Variants in DCHS2 observed in about 807,000 individuals in gnomAD.
The protein encoded by DCHS2 is protocadherin-23.
DCHS2 carries 142 observed loss-of-function variants against 182.4 expected under a neutral mutation model. The ratio of observed to expected loss-of-function variants is 0.78; its 90% CI spans 0.68 to 0.89. The LOEUF (loss-of-function observed/expected upper bound fraction) is 0.89. DCHS2 is among the 40% of genes least tolerant of loss of function. The pLI is 0.00. For missense variants in DCHS2, 4,319 were observed against 4,198.6 expected (o/e 1.03, Z -0.79); for synonymous variants, 1,740 against 1,663.3 (o/e 1.05, Z -1.12).
chr4:154,305,799 A>T (rs1735422950), intron 10 of DCHS2, among the ~76,000 whole-genome samples: 1 of 152,130 alleles, frequency 6.6e-6, no homozygotes, highest in Non-Finnish European at 1.5e-5. Flanking sequence ...AATTCTTCCC[A>T]TATTTTTGTG....
chr4:154,269,048 C>T (rs559274172), intron 14 of DCHS2: 2 of 152,274 alleles, frequency 1.3e-5, no homozygotes, highest in South Asian at 2.1e-4. Context: ...CACAAACGAT[C>T]CTTTCGTGAA....
chr4:154,332,779 A>G lies in DCHS2; in HGVS notation c.3429T>C (p.Tyr1143=), dbSNP rs1736598338. 2 of 1,614,110 alleles carry G rather than the reference A, an allele frequency of 1.2e-6. No individual in the cohort carries two copies. The highest frequency in any genetic ancestry group is 1.7e-6 in the Non-Finnish European group (2 of 1,180,056). Residue 1143 remains tyrosine (Y), a synonymous_variant, in exon 5 of 20, where the codon TAT becomes TAC. Transcript: ENST00000357232. ...FGIRPYTGWI[Y]LRRQFDYEST... is the part of the protein sequence containing the mutation. ...ATTCATAGTCAAACTGTCGCCGCAAATAAATCCAGCCCGTGTAAGGGCGGA... is the reference window on the plus strand; with the variant it reads ...ATTCATAGTCAAACTGTCGCCGCAAGTAAATCCAGCCCGTGTAAGGGCGGA...
At chr4:154,391,407 T>C (rs1731698011) in intron 1 of DCHS2, 2 of 1,413,100 alleles carry the variant, frequency 1.4e-6, no homozygotes, top group South Asian at 3.1e-5. Flanking sequence ...ACTTTCCACT[T>C]GCAGCATAAA....
intron 1 of DCHS2, 42 bp from the exon 2 acceptor site, chr4:154,377,486 G>C (rs919567848): frequency 6.6e-7 from 1 of 1,516,834 alleles, no homozygotes; most frequent in African/African-American, 1.4e-5. Context: ...AGAAATGCTA[G>C]CATTACTTTT....
chr4:154,295,464 C>T (rs1009818846), intron 13 of DCHS2, among the ~76,000 whole-genome samples: 2 of 152,068 alleles, frequency 1.3e-5, no homozygotes, highest in African/African-American at 2.4e-5. Flanking sequence ...ATTCCAAAGC[C>T]GAGAATAACA....
chr4:154,245,688 A>G (rs1025527786), intron 16 of DCHS2, among the ~76,000 whole-genome samples: 4 of 152,228 alleles, frequency 2.6e-5, no homozygotes, highest in Non-Finnish European at 5.9e-5. Flanking sequence ...AATGATATCA[A>G]AAACCTTTTA....
chr4:154,431,340 A>G (rs1014403412), intron 1 of DCHS2, among the ~76,000 whole-genome samples: 3 of 152,318 alleles, frequency 2.0e-5, no homozygotes, highest in Admixed American at 1.3e-4. Flanking sequence ...CATAAAGAAA[A>G]CATAAAACTT....
At chr4:154,247,401 C>T (rs555050703) in intron 16 of DCHS2, among the ~76,000 whole-genome samples, 2 of 150,946 alleles carry the variant, frequency 1.3e-5, no homozygotes, top group African/African-American at 4.9e-5. Context: ...TCACTTGAAC[C>T]AGGAGGCAGA....
rs544467852 is a variant in DCHS2, at chr4:154,318,627, A to T, written c.5020+1752T>A. On this transcript the variant is annotated intron_variant, in intron 9 of 19. Coordinates refer to ENST00000357232, the MANE Select transcript of DCHS2 (RefSeq NM_001358235.2). ...AATAGCACAAAAAGGAATAAAAGAA[A>T]ACAGGGATAAAGCTAGCTGAGGAGG... Among the ~76,000 whole-genome samples, 55 of 152,244 alleles carry T rather than the reference A, an allele frequency of 3.6e-4. 1 individual carries two copies. The highest frequency in any genetic ancestry group is 6.8e-3 in the Middle Eastern group (2 of 294).
In DCHS2 at chr4:154,245,557, G is replaced by GA. The variant is rs542054798; in HGVS notation, c.6942-2786dup. 9.4e-3 allele frequency among the ~76,000 whole-genome samples: 1,389 copies of GA among 147,456 alleles called. 15 individuals are homozygous for GA. Among genetic ancestry groups the GA allele is most frequent in the African/African-American group, 0.018 (720 of 40,282 alleles). ...AATTTTCTAATCCTTCTGAAATTCT[G>GA]AAAAAAAAAATATCAGCCACCAGTA... On this transcript the variant is annotated intron_variant, in intron 16 of 19. Coordinates refer to ENST00000357232, the MANE Select transcript of DCHS2 (RefSeq NM_001358235.2).
intron 1 of DCHS2, among the ~76,000 whole-genome samples, chr4:154,392,291 T>C (rs531581701): frequency 1.4e-4 from 22 of 152,334 alleles, no homozygotes; most frequent in African/African-American, 5.3e-4. Flanking sequence ...CTTTTAGCTG[T>C]ACCTTCCCAT....
At position 154,242,790 on chromosome 4, in the gene DCHS2, T is replaced by C. The variant is rs1731890899; in HGVS notation, c.6942-18A>G. ...CAATCAAGCTGGTTTGGAAAAAGAA[T>C]CAAAGAATGTGATTCATCATCCAGG... is the stretch of plus-strand genomic sequence containing the variant. On this transcript the variant is annotated intron_variant, in intron 16 of 19. Coordinates refer to ENST00000357232, the MANE Select transcript of DCHS2 (RefSeq NM_001358235.2). The C allele has an allele frequency of 1.3e-6, 2 of 1,588,482 alleles. No homozygotes were observed. The highest frequency in any genetic ancestry group is 4.5e-5 in the East Asian group (2 of 44,074).
intron 3 of DCHS2, among the ~76,000 whole-genome samples, chr4:154,356,814 A>C (rs1197561548): frequency 6.6e-6 from 1 of 152,180 alleles, no homozygotes. Flanking sequence ...TCACCAAATG[A>C]TGCATGTCTC....
chr4:154,297,746 A>G (rs1482716584), intron 13 of DCHS2, 105 bp downstream of exon 13: 10 of 1,497,106 alleles, frequency 6.7e-6, no homozygotes, highest in Admixed American at 4.6e-5. Context: ...TTGAACTAAA[A>G]AATGTATAAC....
At position 154,304,795 on chromosome 4, in the gene DCHS2, G is replaced by A. The variant is rs1735377146; in HGVS notation, c.5479C>T (p.Pro1827Ser). ...CTVEDENDHA[P>S]EFIVSSYDIE... ...TCATAACTGGAAACAATAAACTCTGGTGCGTGATCGTTTTCATCTTCAACA... is the reference window on the plus strand; with the variant it reads ...TCATAACTGGAAACAATAAACTCTGATGCGTGATCGTTTTCATCTTCAACA... Residue 1827 changes from proline to serine, a missense_variant, in exon 12 of 20, where the codon CCA (proline) becomes TCA (serine). Pro to Ser is a moderately conservative substitution (Grantham distance 74). Transcript: ENST00000357232. 1 of 1,613,746 alleles carries A rather than the reference G, an allele frequency of 6.2e-7. No individual in the cohort carries two copies. Among genetic ancestry groups the A allele is most frequent in the African/African-American group, 1.3e-5 (1 of 74,882 alleles).
chr4:154,437,155 C>T (rs1733814022), intron 1 of DCHS2, among the ~76,000 whole-genome samples: 1 of 152,190 alleles, frequency 6.6e-6, no homozygotes, highest in Non-Finnish European at 1.5e-5. Context: ...CTAGACCAGC[C>T]TTAGACAGTT....
intron 1 of DCHS2, among the ~76,000 whole-genome samples, chr4:154,379,463 C>A (rs1374497343): frequency 6.6e-6 from 1 of 152,108 alleles, no homozygotes; most frequent in Non-Finnish European, 1.5e-5. Flanking sequence ...TGAAGACAGG[C>A]ACATAAGATT....
intron 1 of DCHS2, among the ~76,000 whole-genome samples, chr4:154,436,569 A>C (rs1021209024): frequency 2.0e-5 from 3 of 152,168 alleles, no homozygotes; most frequent in Admixed American, 1.3e-4. Context: ...AAAATCCTTT[A>C]TCCAGAAATT....
rs1178480751 is a variant in DCHS2 at position 154,255,578 on chromosome 4, T to C, written c.6882A>G (p.Ala2294=). Reference sequence around the variant, plus strand: ...CTTTTGTTGTTATCACACCACTCAGTGCATCAATCTGGAATGCTTCTTCTT... The same window carrying C: ...CTTTTGTTGTTATCACACCACTCAGCGCATCAATCTGGAATGCTTCTTCTT... ...GNQEEAFQID[A]LSGVITTKAI... is the part of the protein sequence containing the mutation. The change falls in exon 16 of 20, where the codon GCA becomes GCG. Residue 2294 remains alanine (A), a synonymous_variant. Coordinates refer to ENST00000357232, the MANE Select transcript of DCHS2 (RefSeq NM_001358235.2). 5.6e-6 allele frequency: 9 copies of C among 1,613,936 alleles called. No homozygotes were observed. The highest frequency in any genetic ancestry group is 7.6e-6 in the Non-Finnish European group (9 of 1,179,980).
Sources: allele counts gnomAD v4.1 joint callset (sites outside exome capture counted in the v4.1 genomes callset), GRCh38; gene constraint gnomAD v4.1.1; transcripts MANE v1.5; gene names NCBI Gene and HGNC (gene_info 2026-07-23, HGNC 2026-07-21).